The following EPS8 variants were observed in gnomAD, a reference collection of about 807,000 sequenced individuals.
EPS8 encodes EGFR pathway substrate 8, signaling adaptor, also known as epidermal growth factor receptor kinase substrate 8.
A neutral mutation model predicts 103.8 loss-of-function variants in EPS8; 42 were observed. The ratio of observed to expected loss-of-function variants is 0.40; its 90% CI spans 0.32 to 0.52. The LOEUF is 0.52. EPS8 is among the 20% of genes least tolerant of loss of function. EPS8 has a pLI of 0.40. For synonymous variants in EPS8, 344 were observed against 344.6 expected, an observed-to-expected ratio of 1.00 and a Z score of 0.02; for missense variants, 969 against 1,005.1, an observed-to-expected ratio of 0.96 and a Z score of 0.49.
At chr12:15,686,156 C>T (rs891974102) in intron 1 of EPS8, among the ~76,000 whole-genome samples, 9 of 152,166 alleles carry the variant, frequency 5.9e-5, no homozygotes, top group Non-Finnish European at 1.3e-4. Flanking sequence ...GCCTACTCAA[C>T]ATGAAGACAA....
chr12:15,784,748 A>T lies in EPS8; in HGVS notation c.-22+4413T>A, dbSNP rs1373463815. 6.6e-6 allele frequency among the ~76,000 whole-genome samples: 1 copy of T among 152,148 alleles called. No individual in the cohort carries two copies. The highest frequency in any genetic ancestry group is 1.9e-4 in the East Asian group (1 of 5,200). On this transcript the variant is annotated intron_variant, in intron 1 of 20. Transcript: ENST00000281172. This position sits in a 1 kb window ranked among gnomAD's most constrained non-coding sequence, Gnocchi z 4.0. ...ACTGGAAGCAACCAAAATATCCTTC[A>T]ATAGGTGAATAAACAAACCATGATA...
intron 2 of EPS8, among the ~76,000 whole-genome samples, chr12:15,682,227 A>G (rs1246368485): frequency 6.6e-6 from 1 of 152,230 alleles, no homozygotes; most frequent in Non-Finnish European, 1.5e-5. Context: ...GAATGACTGG[A>G]GAAGCTGTGG....
rs11361333 is a variant in EPS8, at chr12:15,700,595, TA to T, written c.-21-17624del. 0.07 allele frequency among the ~76,000 whole-genome samples: 10,581 copies of T among 152,210 alleles called. 1,218 individuals carry two copies. The highest frequency in any genetic ancestry group is 0.24 in the African/African-American group (9,959 of 41,488). ...CAGAATTTCTACAGTCACAATTAGA[TA>T]AAAGAGCCTCAATGCCAACTGAGCA... On this transcript the variant is annotated intron_variant, in intron 1 of 20. Coordinates refer to ENST00000281172, the MANE Select transcript of EPS8 (RefSeq NM_004447.6). This position sits in a 1 kb window ranked among gnomAD's most constrained non-coding sequence, Gnocchi z 5.1.
Position 15,698,115 on chromosome 12 carries a change from G to A in EPS8, c.-21-15143C>T, listed in dbSNP as rs1419323854. On this transcript the variant is annotated intron_variant, in intron 1 of 20. Transcript: ENST00000281172. The surrounding 1 kb of genome is among the most constrained non-coding windows in gnomAD (Gnocchi z 4.9). Reference sequence around the variant, plus strand: ...ATATGAATGATTATGAAAGAAATATGTATTTTAAAAGGCTTTCTGAAACTG... The same window carrying A: ...ATATGAATGATTATGAAAGAAATATATATTTTAAAAGGCTTTCTGAAACTG... 6.6e-6 allele frequency among the ~76,000 whole-genome samples: 1 copy of A among 152,046 alleles called. No individual in the cohort carries two copies. Among genetic ancestry groups the A allele is most frequent in the Non-Finnish European group, 1.5e-5 (1 of 68,006 alleles).
chr12:15,689,662 T>A (rs1215731689), intron 1 of EPS8, among the ~76,000 whole-genome samples: 2 of 152,242 alleles, frequency 1.3e-5, no homozygotes, highest in African/African-American at 4.8e-5. Flanking sequence ...ACCCTCTCTG[T>A]TAGCTATTTT....
In EPS8 at chr12:15,727,845, G is replaced by A. The variant is rs1362550254; in HGVS notation, c.-21-44873C>T. On this transcript the variant is annotated intron_variant, in intron 1 of 20. Coordinates refer to ENST00000281172, the MANE Select transcript of EPS8 (RefSeq NM_004447.6). This position sits in a 1 kb window ranked among gnomAD's most constrained non-coding sequence, Gnocchi z 4.3. ...TGCACTCCAGCCTGGGCGACAGAGC[G>A]AGACTCCATCCCCAAAAAAAATAAA... Among the ~76,000 whole-genome samples, 5 of 152,120 alleles carry A rather than the reference G, an allele frequency of 3.3e-5. No individual in the cohort carries two copies. The highest frequency in any genetic ancestry group is 5.9e-5 in the Non-Finnish European group (4 of 68,032).
At chr12:15,775,778 A>T (rs377522719) in intron 1 of EPS8, among the ~76,000 whole-genome samples, 60 of 152,276 alleles carry the variant, frequency 3.9e-4, no homozygotes, top group East Asian at 3.3e-3. Context: ...ATTATTTAGT[A>T]CTAGCACTTA....
rs1359421521 is a variant in EPS8 at position 15,757,145 on chromosome 12, T to C, written c.-22+32016A>G. On this transcript the variant is annotated intron_variant, in intron 1 of 20. Transcript: ENST00000281172. The surrounding 1 kb of genome is among the most constrained non-coding windows in gnomAD (Gnocchi z 4.1). The stretch of plus-strand genomic sequence containing the variant: ...TGTAATAGAAACCTAGAAATATTTA[T>C]TAAATCAAGCTACAAAATGGAGAGA... Among the ~76,000 whole-genome samples the C allele has an allele frequency of 6.6e-6, 1 of 152,194 alleles. No individual in the cohort carries two copies. The highest frequency in any genetic ancestry group is 1.5e-5 in the Non-Finnish European group (1 of 68,026).
intron 20 of EPS8, among the ~76,000 whole-genome samples, chr12:15,622,956 A>C (rs1353375535): frequency 1.3e-5 from 2 of 152,238 alleles, no homozygotes; most frequent in Non-Finnish European, 2.9e-5. Context: ...GTATGTGCTC[A>C]AGCTTCACAT....
intron 1 of EPS8, among the ~76,000 whole-genome samples, chr12:15,699,244 G>A (rs1454614696): frequency 6.6e-6 from 1 of 152,208 alleles, no homozygotes; most frequent in Non-Finnish European, 1.5e-5. Flanking sequence ...TACTGAGTAT[G>A]TCCCAGAGCT....
chr12:15,731,308 T>A lies in EPS8; in HGVS notation c.-21-48336A>T, dbSNP rs1457045904. 6.6e-6 allele frequency among the ~76,000 whole-genome samples: 1 copy of A among 152,006 alleles called. No homozygotes were observed. On this transcript the variant is annotated intron_variant, in intron 1 of 20. Coordinates refer to ENST00000281172, the MANE Select transcript of EPS8 (RefSeq NM_004447.6). This position sits in a 1 kb window ranked among gnomAD's most constrained non-coding sequence, Gnocchi z 5.1. ...ACCATTAAAAATATTTAATTGACTT[T>A]TTTTTTTTTAGATGGAGTCTCACTG...
intron 1 of EPS8, among the ~76,000 whole-genome samples, chr12:15,723,753 G>A (rs1477668642): frequency 6.6e-6 from 1 of 152,014 alleles, no homozygotes; most frequent in African/African-American, 2.4e-5. Context: ...TACCTCCATA[G>A]ATTATTCTAA....
intron 3 of EPS8, chr12:15,672,645 A>C (rs1945836592): frequency 7.6e-6 from 3 of 393,820 alleles, no homozygotes; most frequent in Non-Finnish European, 1.3e-5. Context: ...TTTTCTGATT[A>C]GTTGTTGAGG....
At position 15,702,494 on chromosome 12, in the gene EPS8, G is replaced by A. The variant is rs1260979041; in HGVS notation, c.-21-19522C>T. ...GAGATACTTTCTCCTAGGATAAGAG[G>A]ACTCTGGGGTAATGTATGAATGTCT... On this transcript the variant is annotated intron_variant, in intron 1 of 20. Coordinates refer to ENST00000281172, the MANE Select transcript of EPS8 (RefSeq NM_004447.6). The surrounding 1 kb of genome is among the most constrained non-coding windows in gnomAD (Gnocchi z 5.1). Among the ~76,000 whole-genome samples the A allele has an allele frequency of 4.6e-5, 7 of 152,044 alleles. No homozygotes were observed. The highest frequency in any genetic ancestry group is 3.9e-4 in the Admixed American group (6 of 15,274).
In EPS8 at chr12:15,781,509, A is replaced by C. The variant is rs1947260525; in HGVS notation, c.-22+7652T>G. 6.6e-6 allele frequency among the ~76,000 whole-genome samples: 1 copy of C among 152,228 alleles called. No homozygotes were observed. The highest frequency in any genetic ancestry group is 2.4e-5 in the African/African-American group (1 of 41,456). ...ATCTGTAATTCTGAGATAAAGAAGCATGCCTTAAAGGGCTCTTGTAACAGT... is the reference window on the plus strand; with the variant it reads ...ATCTGTAATTCTGAGATAAAGAAGCCTGCCTTAAAGGGCTCTTGTAACAGT... On this transcript the variant is annotated intron_variant, in intron 1 of 20. Transcript: ENST00000281172. This position sits in a 1 kb window ranked among gnomAD's most constrained non-coding sequence, Gnocchi z 4.1.
At position 15,721,693 on chromosome 12, in the gene EPS8, T is replaced by C. The variant is rs1946597492; in HGVS notation, c.-21-38721A>G. The stretch of plus-strand genomic sequence containing the variant: ...GCGCATCAAGTTAAAAGGATTTTCC[T>C]GAAAACTTAAAAGTAATAAAAGCAC... On this transcript the variant is annotated intron_variant, in intron 1 of 20. Coordinates refer to ENST00000281172, the MANE Select transcript of EPS8 (RefSeq NM_004447.6). The surrounding 1 kb of genome is among the most constrained non-coding windows in gnomAD (Gnocchi z 4.4). Among the ~76,000 whole-genome samples the C allele has an allele frequency of 1.3e-5, 2 of 152,150 alleles. No individual in the cohort carries two copies. The highest frequency in any genetic ancestry group is 1.3e-4 in the Admixed American group (2 of 15,270).
At chr12:15,724,894 C>CT (rs1432309312) in intron 1 of EPS8, among the ~76,000 whole-genome samples, 1 of 152,130 alleles carries the variant, frequency 6.6e-6, no homozygotes, top group Non-Finnish European at 1.5e-5. Flanking sequence ...TTGGGTATGT[C>CT]TTTATCAGCA....
intron 10 of EPS8, among the ~76,000 whole-genome samples, chr12:15,659,988 T>C (rs7964559): frequency 0.034 from 5,197 of 152,306 alleles, 188 homozygotes; most frequent in African/African-American, 0.095. Flanking sequence ...ACTACAAGAA[T>C]AGAGCTATGT....
intron 1 of EPS8, among the ~76,000 whole-genome samples, chr12:15,703,645 T>G (rs187103663): frequency 8.5e-4 from 128 of 151,038 alleles, no homozygotes; most frequent in Non-Finnish European, 1.4e-3. Flanking sequence ...GAATTTGGAC[T>G]TAATCTTTTA....
Sources: gnomAD v4.1 joint callset for allele counts (sites outside exome capture counted in the v4.1 genomes callset) on GRCh38, gnomAD v4.1.1 for gene constraint, Gnocchi (gnomAD v3.1) non-coding constraint, MANE v1.5 for transcripts, NCBI Gene and HGNC (gene_info 2026-07-23, HGNC 2026-07-21) for gene names.